SLC4A10: variants seen among roughly 807,000 people sequenced by gnomAD.
SLC4A10 encodes the protein sodium-driven chloride bicarbonate exchanger.
In SLC4A10, 42 loss-of-function variants were observed where a neutral mutation model predicts 137.7. The observed-to-expected ratio is 0.30, with a 90% confidence interval of 0.24 to 0.39. SLC4A10 has a LOEUF of 0.39. Ranked by LOEUF, SLC4A10 falls within the 10% of genes least tolerant of loss-of-function variation. The probability of loss-of-function intolerance (pLI) is 1.00; values close to 1 mark genes in which losing one functional copy is unlikely to be tolerated. For synonymous variants in SLC4A10, 474 were observed against 464.1 expected, an observed-to-expected ratio of 1.02 and a Z score of -0.27; for missense variants, 925 against 1,355.0, an observed-to-expected ratio of 0.68 and a Z score of 4.98.
intron 1 of SLC4A10, among the ~76,000 whole-genome samples, chr2:161,727,330 C>A (rs984333282): frequency 6.6e-6 from 1 of 152,214 alleles, no homozygotes; most frequent in Non-Finnish European, 1.5e-5. Flanking sequence ...AAACCAAATA[C>A]TTTACAGTGT....
intron 5 of SLC4A10, among the ~76,000 whole-genome samples, chr2:161,858,084 C>T (rs1003205271): frequency 2.6e-5 from 4 of 152,042 alleles, no homozygotes; most frequent in Non-Finnish European, 5.9e-5. Context: ...GAAACTTTTT[C>T]CTCAGCTCTT....
intron 1 of SLC4A10, among the ~76,000 whole-genome samples, chr2:161,760,306 T>A (rs1161093802): frequency 6.6e-6 from 1 of 152,044 alleles, no homozygotes; most frequent in Non-Finnish European, 1.5e-5. Flanking sequence ...GTTCCCTTAT[T>A]CTTATATCAT....
chr2:161,867,778 A>G (rs574223717), intron 6 of SLC4A10, among the ~76,000 whole-genome samples: 16 of 151,964 alleles, frequency 1.1e-4, no homozygotes, highest in African/African-American at 3.9e-4. Flanking sequence ...CATGTTTTCT[A>G]TTCCCATGAA....
At chr2:161,852,148 C>T in intron 4 of SLC4A10, among the ~76,000 whole-genome samples, 1 of 152,188 alleles carries the variant, frequency 6.6e-6, no homozygotes, top group East Asian at 1.9e-4. Context: ...ACAGGGATGA[C>T]AGAAAGTACC....
chr2:161,817,291 T>C (rs891154562), intron 3 of SLC4A10, among the ~76,000 whole-genome samples: 12 of 152,242 alleles, frequency 7.9e-5, no homozygotes, highest in Non-Finnish European at 1.5e-4. Context: ...TTGAGAAGTG[T>C]CTGTTCATAT....
At chr2:161,665,187 T>C (rs920097555) in intron 1 of SLC4A10, among the ~76,000 whole-genome samples, 6 of 151,764 alleles carry the variant, frequency 4.0e-5, no homozygotes, top group African/African-American at 1.2e-4. Flanking sequence ...CCCTATGGAA[T>C]TGATGATAAA....
intron 1 of SLC4A10, among the ~76,000 whole-genome samples, chr2:161,714,672 A>G (rs909573949): frequency 6.6e-6 from 1 of 151,950 alleles, no homozygotes; most frequent in African/African-American, 2.4e-5. Context: ...GCTGTATACC[A>G]CAGTAGCAAG....
intron 1 of SLC4A10, among the ~76,000 whole-genome samples, chr2:161,687,126 G>T (rs2041508337): frequency 1.3e-5 from 2 of 152,114 alleles, no homozygotes; most frequent in South Asian, 4.1e-4. Context: ...CAGCTGATGG[G>T]CTTCCCAAAG....
At chr2:161,708,601 G>A in intron 1 of SLC4A10, 1 of 1,302,816 alleles carries the variant, frequency 7.7e-7, no homozygotes, top group Non-Finnish European at 1.0e-6. Flanking sequence ...CTGCACAGGG[G>A]AGATGATAAA....
At position 161,717,277 on chromosome 2, in the gene SLC4A10, C is replaced by T. The variant is rs192493921; in HGVS notation, c.49-53696C>T. 1.8e-3 allele frequency among the ~76,000 whole-genome samples: 275 copies of T among 152,212 alleles called. 1 individual carries two copies. The highest frequency in any genetic ancestry group is 6.0e-3 in the African/African-American group (251 of 41,542). ...GATTTCTTCTCTTTCTATTTGAATA[C>T]GCTTTATTTATTTCTCTTTGCCTGA... On this transcript the variant is annotated intron_variant, in intron 1 of 26. Transcript: ENST00000446997.
intron 19 of SLC4A10, among the ~76,000 whole-genome samples, chr2:161,951,651 C>T (rs1694827311): frequency 6.6e-6 from 1 of 152,102 alleles, no homozygotes; most frequent in Non-Finnish European, 1.5e-5. Flanking sequence ...TTCACATACC[C>T]TTTAAACTCT....
At chr2:161,721,170 T>C (rs116280146) in intron 1 of SLC4A10, among the ~76,000 whole-genome samples, 1,727 of 152,364 alleles carry the variant, frequency 0.011, 10 homozygotes, top group Non-Finnish European at 0.015. Context: ...TTTGGGCATT[T>C]AGCCCATTTA....
At chr2:161,764,726 A>G (rs995851434) in intron 1 of SLC4A10, among the ~76,000 whole-genome samples, 7 of 152,234 alleles carry the variant, frequency 4.6e-5, no homozygotes, top group African/African-American at 7.2e-5. Flanking sequence ...CATTGTAACA[A>G]TGAAATGCGG....
chr2:161,735,667 A>T (rs1036853702), intron 1 of SLC4A10, among the ~76,000 whole-genome samples: 4 of 152,240 alleles, frequency 2.6e-5, no homozygotes, highest in African/African-American at 9.6e-5. Flanking sequence ...TATGAAGATG[A>T]TGTCTGAAGG....
chr2:161,750,558 G>A (rs77841832), intron 1 of SLC4A10, among the ~76,000 whole-genome samples: 2,870 of 151,654 alleles, frequency 0.019, 58 homozygotes, highest in African/African-American at 0.054. Flanking sequence ...TATTCCTGCC[G>A]CTAATTTCTG....
intron 26 of SLC4A10, among the ~76,000 whole-genome samples, chr2:161,981,666 A>G (rs1411854932): frequency 2.0e-5 from 3 of 152,272 alleles, no homozygotes; most frequent in South Asian, 2.1e-4. Flanking sequence ...AACTTAAAGT[A>G]GAAGAAAGTG....
intron 1 of SLC4A10, among the ~76,000 whole-genome samples, chr2:161,699,771 T>C (rs1298700255): frequency 6.6e-6 from 1 of 152,142 alleles, no homozygotes; most frequent in Non-Finnish European, 1.5e-5. Context: ...TCAACTTTGA[T>C]GGATAGATAA....
At chr2:161,828,544 T>C (rs1199103978) in intron 3 of SLC4A10, among the ~76,000 whole-genome samples, 1 of 147,816 alleles carries the variant, frequency 6.8e-6, no homozygotes, top group East Asian at 2.0e-4. Flanking sequence ...TTTTTATTTG[T>C]ATATATAAAT....
At chr2:161,770,155 T>A (rs902647615) in intron 1 of SLC4A10, among the ~76,000 whole-genome samples, 5 of 151,886 alleles carry the variant, frequency 3.3e-5, no homozygotes, top group Non-Finnish European at 7.4e-5. Flanking sequence ...TTAAGGTAAT[T>A]TTTATAGAGG....
Sources: gnomAD v4.1 joint callset for allele counts (sites outside exome capture counted in the v4.1 genomes callset) on GRCh38, gnomAD v4.1.1 for gene constraint, MANE v1.5 for transcripts, NCBI Gene and HGNC (gene_info 2026-07-23, HGNC 2026-07-21) for gene names.